The following EMX1 variants were observed in gnomAD, a reference collection of about 807,000 sequenced individuals.
The protein encoded by EMX1 is empty spiracles homeobox 1.
Under a neutral mutation model 20.1 loss-of-function variants are expected in EMX1, and 10 were observed. That is an observed-to-expected ratio of 0.50 (90% confidence interval 0.31 to 0.84). The LOEUF (loss-of-function observed/expected upper bound fraction) is 0.84. EMX1 is among the 40% of genes least tolerant of loss of function. The pLI, the probability that EMX1 is intolerant of heterozygous loss-of-function variation, is 0.05. For missense variants in EMX1, 424 were observed against 431.9 expected (o/e 0.98, Z 0.16); for synonymous variants, 250 against 200.4 (o/e 1.25, Z -2.09).
At chr2:72,926,183 T>C in intron 2 of EMX1, 3 of 985,064 alleles carry the variant, frequency 3.0e-6, no homozygotes, top group Non-Finnish European at 3.6e-6. Context: ...AATAATGTCA[T>C]TGTTTTTAAA....
At chr2:72,925,309 GTTAAT>G in intron 2 of EMX1, 1 of 1,062,510 alleles carries the variant, frequency 9.4e-7, no homozygotes, top group Non-Finnish European at 1.2e-6. Context: ...GTAACTGATC[GTTAAT>G]TTAAGGGAAA....
chr2:72,920,793 C>T (rs1428056792), intron 1 of EMX1, among the ~76,000 whole-genome samples: 1 of 152,200 alleles, frequency 6.6e-6, no homozygotes, highest in Non-Finnish European at 1.5e-5. Flanking sequence ...CGCTCGCGAG[C>T]ACCGAAGGGG....
At chr2:72,920,666 C>T (rs931777457) in intron 1 of EMX1, among the ~76,000 whole-genome samples, 3 of 152,264 alleles carry the variant, frequency 2.0e-5, no homozygotes, top group Non-Finnish European at 2.9e-5. Flanking sequence ...TCTGCGCTCT[C>T]TGCGCAGCGC....
chr2:72,921,169 G>C (rs1375859217), intron 1 of EMX1, among the ~76,000 whole-genome samples: 1 of 152,192 alleles, frequency 6.6e-6, no homozygotes, highest in Admixed American at 6.5e-5. Context: ...TCATTCCTGG[G>C]AATCTCTTGT....
intron 2 of EMX1, chr2:72,925,752 G>T: frequency 3.0e-6 from 3 of 985,418 alleles, no homozygotes; most frequent in Non-Finnish European, 3.6e-6. Context: ...TTCATCCGCA[G>T]CTTTCTTCGG....
chr2:72,918,878 C>T (rs1483616315), intron 1 of EMX1, among the ~76,000 whole-genome samples: 1 of 152,160 alleles, frequency 6.6e-6, no homozygotes, highest in African/African-American at 2.4e-5. Context: ...GAGGGCGAAT[C>T]GGAGAGTTAA....
At position 72,924,803 on chromosome 2, in the gene EMX1, GGGTCGCCTCGGGAGCGGGCAGCGCAGGCA is replaced by G. The variant is rs1354021371; in HGVS notation, c.705+312_705+340del. Among the ~76,000 whole-genome samples, 9 of 152,340 alleles carry G rather than the reference GGGTCGCCTCGGGAGCGGGCAGCGCAGGCA, an allele frequency of 5.9e-5. 1 individual carries two copies. The East Asian group carries it at 1.2e-3, about 20-fold the overall frequency. ...GGGGACCAGGTTCCCTGGAGGAAGC[GGGTCGCCTCGGGAGCGGGCAGCGCAGGCA>G]GCACCGAGGCCACTGGAGCTGGCTC... is the stretch of plus-strand genomic sequence containing the variant. On this transcript the variant is annotated intron_variant, in intron 2 of 2. Transcript: ENST00000258106.
At chr2:72,925,627 C>T in intron 2 of EMX1, 3 of 1,210,906 alleles carry the variant, frequency 2.5e-6, no homozygotes, top group Non-Finnish European at 3.2e-6. Flanking sequence ...TACTACACCA[C>T]CGTCCCCTCC....
At chr2:72,923,610 ACCTAGCCACTGG>A (rs541329532) in intron 1 of EMX1, 1,575 of 152,490 alleles carry the variant, frequency 0.01, 17 homozygotes, top group Non-Finnish European at 0.014. Flanking sequence ...TGGACCACTG[ACCTAGCCACTGG>A]CCTATTTATA....
At chr2:72,918,812 G>A (rs1029278771) in intron 1 of EMX1, among the ~76,000 whole-genome samples, 10 of 152,164 alleles carry the variant, frequency 6.6e-5, no homozygotes, top group African/African-American at 2.4e-4. Context: ...TGGCGCGTCC[G>A]GGCGGGGGAA....
chr2:72,921,156 C>T (rs1185771920), intron 1 of EMX1, among the ~76,000 whole-genome samples: 2 of 152,212 alleles, frequency 1.3e-5, no homozygotes, highest in African/African-American at 4.8e-5. Context: ...ACCTCCAGCT[C>T]CCTCATTCCT....
intron 2 of EMX1, chr2:72,925,578 T>C: frequency 7.8e-7 from 1 of 1,283,432 alleles, no homozygotes; most frequent in South Asian, 1.2e-5. Context: ...CCCGGCTGAC[T>C]TTTCACCTTC....
At chr2:72,922,354 G>C (rs1671118682) in intron 1 of EMX1, among the ~76,000 whole-genome samples, 1 of 152,134 alleles carries the variant, frequency 6.6e-6, no homozygotes, top group African/African-American at 2.4e-5. Flanking sequence ...CCTGGAGCAG[G>C]CTCCATATTT....
At chr2:72,916,749 C>G (rs754710129), upstream of EMX1, 34 of 717,268 alleles carry the variant, frequency 4.7e-5, 1 homozygote, top group South Asian at 4.9e-4. Flanking sequence ...TGACCTGGTC[C>G]GGCCCGCCGA....
At chr2:72,927,323 G>C (rs2105268556) in intron 2 of EMX1, among the ~76,000 whole-genome samples, 1 of 152,300 alleles carries the variant, frequency 6.6e-6, no homozygotes, top group Middle Eastern at 3.4e-3. Flanking sequence ...TATTGGCTCT[G>C]GCTTTGTCTT....
At chr2:72,932,321 G>C (rs983403046) in intron 2 of EMX1, among the ~76,000 whole-genome samples, 1 of 152,112 alleles carries the variant, frequency 6.6e-6, no homozygotes, top group Non-Finnish European at 1.5e-5. Flanking sequence ...CCCAAGGGGG[G>C]CCTCTGGAGC....
In EMX1 at chr2:72,934,587, G is replaced by A. The variant is rs1559062806; in HGVS notation, c.*633G>A. The A allele has an allele frequency of 1.3e-5, 2 of 152,464 alleles. No homozygotes were observed. Among genetic ancestry groups the A allele is most frequent in the Non-Finnish European group, 2.9e-5 (2 of 68,296 alleles). 9.4% of individuals were successfully genotyped at this position (152,464 alleles called of 1,614,324 possible). On this transcript the variant is annotated 3_prime_UTR_variant, in exon 3 of 3. Coordinates refer to ENST00000258106, the MANE Select transcript of EMX1 (RefSeq NM_004097.3). ...GGGAAGGGCCATCCTGTATCTTGAG[G>A]GAGGACAGGCCCAGGTCTTTCTTAA... is the stretch of plus-strand genomic sequence containing the variant.
At chr2:72,931,005 T>A (rs942007738) in intron 2 of EMX1, among the ~76,000 whole-genome samples, 1 of 152,198 alleles carries the variant, frequency 6.6e-6, no homozygotes, top group Non-Finnish European at 1.5e-5. Flanking sequence ...TATGAAGTCA[T>A]AAGCACTACC....
chr2:72,922,860 A>T (rs1671127103), intron 1 of EMX1, among the ~76,000 whole-genome samples: 1 of 152,272 alleles, frequency 6.6e-6, no homozygotes, highest in African/African-American at 2.4e-5. Flanking sequence ...AGAGCAAAGC[A>T]ACAGGTCAAA....
Sources: allele counts gnomAD v4.1 joint callset (sites outside exome capture counted in the v4.1 genomes callset), GRCh38; gene constraint gnomAD v4.1.1; transcripts MANE v1.5; gene names NCBI Gene and HGNC (gene_info 2026-07-23, HGNC 2026-07-21).